Variants in RAB31 observed in about 807,000 individuals in gnomAD.
RAB31 encodes the protein ras-related protein Rab-31.
A neutral mutation model predicts 25.6 loss-of-function variants in RAB31; 21 were observed. The ratio of observed to expected loss-of-function variants is 0.82; its 90% CI spans 0.58 to 1.18. RAB31 has a LOEUF of 1.18. RAB31 is among the 50% of genes most tolerant of loss of function. The pLI, the probability that RAB31 is intolerant of heterozygous loss-of-function variation, is 0.00. For missense variants in RAB31, 196 were observed against 250.1 expected, an observed-to-expected ratio of 0.78 and a Z score of 1.46; for synonymous variants, 87 against 84.0, an observed-to-expected ratio of 1.04 and a Z score of -0.20.
intron 1 of RAB31, among the ~76,000 whole-genome samples, chr18:9,729,773 G>T (rs1350773182): frequency 2.0e-5 from 3 of 151,564 alleles, no homozygotes; most frequent in South Asian, 2.1e-4. Flanking sequence ...ATGTGTATGT[G>T]TGTCTGTTTT....
chr18:9,842,481 G>A (rs1055150634), intron 5 of RAB31, among the ~76,000 whole-genome samples: 1 of 152,164 alleles, frequency 6.6e-6, no homozygotes, highest in Non-Finnish European at 1.5e-5. Context: ...GGCAAAGACC[G>A]AATCTGTATT....
At chr18:9,834,812 T>A (rs2068696234) in intron 5 of RAB31, among the ~76,000 whole-genome samples, 1 of 152,096 alleles carries the variant, frequency 6.6e-6, no homozygotes, top group Non-Finnish European at 1.5e-5. Flanking sequence ...GAAGACAGAG[T>A]AATCTCTTTT....
chr18:9,814,038 A>G lies in RAB31; in HGVS notation c.220A>G (p.Met74Val). The change falls in exon 4 of 7, where the codon ATG becomes GTG. Residue 74 changes from methionine to valine, a missense_variant. By Grantham distance (21) the Met-to-Val change is conservative (BLOSUM62 1). Coordinates refer to ENST00000578921, the MANE Select transcript of RAB31 (RefSeq NM_006868.4). ...GQERFHSLAPMYYRGSAAAVI... is the reference protein window; with the variant it reads ...GQERFHSLAPVYYRGSAAAVI... ...TAAACAGTTTCATTCATTGGCTCCC[A>G]TGTACTATCGAGGCTCAGCTGCAGC... is the stretch of plus-strand genomic sequence containing the variant. 6.3e-7 allele frequency: 1 copy of G among 1,592,684 alleles called. No individual in the cohort carries two copies. Among genetic ancestry groups the G allele is most frequent in the Non-Finnish European group, 8.6e-7 (1 of 1,166,318 alleles).
chr18:9,726,896 T>G (rs2068098590), intron 1 of RAB31, among the ~76,000 whole-genome samples: 1 of 152,196 alleles, frequency 6.6e-6, no homozygotes. Flanking sequence ...AAGCCCACCC[T>G]GTTCCCCCTT....
chr18:9,852,177 T>A (rs2068792633), intron 6 of RAB31, among the ~76,000 whole-genome samples: 1 of 152,182 alleles, frequency 6.6e-6, no homozygotes, highest in African/African-American at 2.4e-5. Context: ...GTGCCATCTC[T>A]ATCCCATCCT....
intron 1 of RAB31, chr18:9,725,962 CTCA>C (rs1308007330): frequency 6.6e-6 from 1 of 152,236 alleles, no homozygotes; most frequent in African/African-American, 2.4e-5. Context: ...GTGAACTGTC[CTCA>C]TGTTATTTCA....
At chr18:9,714,142 G>A (rs2068032186) in intron 1 of RAB31, among the ~76,000 whole-genome samples, 1 of 152,186 alleles carries the variant, frequency 6.6e-6, no homozygotes, top group Non-Finnish European at 1.5e-5. Context: ...CTGCTCTAAG[G>A]CCACAGCCAT....
At chr18:9,835,320 G>GGAGATCCTCT (rs1452357987) in intron 5 of RAB31, among the ~76,000 whole-genome samples, 2 of 152,008 alleles carry the variant, frequency 1.3e-5, no homozygotes, top group Admixed American at 1.3e-4. Context: ...CAGAGGATTT[G>GGAGATCCTCT]GAGCCGACAA....
chr18:9,723,419 G>A (rs918519392), intron 1 of RAB31: 1 of 152,112 alleles, frequency 6.6e-6, no homozygotes, highest in South Asian at 2.1e-4. Context: ...CAATTCATTT[G>A]TTAGGGAATT....
At chr18:9,853,963 C>CTTTTTTTTTTTTTTTTTTTTTTTT (rs11376519) in intron 6 of RAB31, among the ~76,000 whole-genome samples, 1 of 130,840 alleles carries the variant, frequency 7.6e-6, no homozygotes, top group African/African-American at 2.8e-5. Context: ...CTTTTCTTTT[C>CTTTTTTTTTTTTTTTTTTTTTTTT]TTTTTTTTTT....
rs139250400 is a variant in RAB31 at position 9,741,230 on chromosome 18, G to A, written c.39+32786G>A. ...GTCTCCACTAAAAGCACAAAAATTA[G>A]CCAGGTGTGGTGGCGGGCACCTATA... On this transcript the variant is annotated intron_variant, in intron 1 of 6. Coordinates refer to ENST00000578921, the MANE Select transcript of RAB31 (RefSeq NM_006868.4). 1.7e-3 allele frequency among the ~76,000 whole-genome samples: 256 copies of A among 152,000 alleles called. 1 individual carries two copies. Among genetic ancestry groups the A allele is most frequent in the African/African-American group, 6.0e-3 (249 of 41,472 alleles).
chr18:9,802,604 G>T (rs1023193616), intron 3 of RAB31, among the ~76,000 whole-genome samples: 2 of 152,226 alleles, frequency 1.3e-5, no homozygotes, highest in Non-Finnish European at 2.9e-5. Context: ...AATGCATGCA[G>T]TCAGGAGATC....
intron 3 of RAB31, among the ~76,000 whole-genome samples, chr18:9,796,147 A>G (rs1044802985): frequency 1.3e-5 from 2 of 152,236 alleles, no homozygotes; most frequent in Admixed American, 6.5e-5. Context: ...TAAACATCGT[A>G]TGTTATCATT....
At chr18:9,835,633 C>T (rs573478634) in intron 5 of RAB31, among the ~76,000 whole-genome samples, 1 of 152,210 alleles carries the variant, frequency 6.6e-6, no homozygotes, top group Non-Finnish European at 1.5e-5. Flanking sequence ...TTTGCTGGTA[C>T]ACGGTTGTCA....
At chr18:9,783,420 T>C (rs1188393521) in intron 2 of RAB31, among the ~76,000 whole-genome samples, 1 of 152,186 alleles carries the variant, frequency 6.6e-6, no homozygotes, top group East Asian at 1.9e-4. Flanking sequence ...ATATTTTATA[T>C]TTTTTCCAAG....
chr18:9,792,757 T>C (rs943015902), intron 3 of RAB31, among the ~76,000 whole-genome samples: 1 of 152,172 alleles, frequency 6.6e-6, no homozygotes, highest in African/African-American at 2.4e-5. Flanking sequence ...TTGGTGCCCC[T>C]ACTGGTGGGA....
At chr18:9,732,272 A>C (rs1042407876) in intron 1 of RAB31, among the ~76,000 whole-genome samples, 1 of 151,998 alleles carries the variant, frequency 6.6e-6, no homozygotes, top group African/African-American at 2.4e-5. Flanking sequence ...CGGTCACCGG[A>C]TGAGGCTGGG....
At chr18:9,767,465 G>C (rs968163002) in intron 1 of RAB31, among the ~76,000 whole-genome samples, 2 of 152,226 alleles carry the variant, frequency 1.3e-5, no homozygotes, top group Non-Finnish European at 2.9e-5. Flanking sequence ...TAGTGAGTTT[G>C]TAGTAAAGGA....
chr18:9,859,650 A>T lies in RAB31; in HGVS notation c.*325A>T. The stretch of plus-strand genomic sequence containing the variant: ...TGTACAAAAGTCTTACTGCCTTATT[A>T]TGTGTATGGGATTCTAAAGTGGCAT... On this transcript the variant is annotated 3_prime_UTR_variant, in exon 7 of 7. Coordinates refer to ENST00000578921, the MANE Select transcript of RAB31 (RefSeq NM_006868.4). The T allele has an allele frequency of 5.0e-6, 1 of 199,614 alleles. No individual in the cohort carries two copies. Among genetic ancestry groups the T allele is most frequent in the Non-Finnish European group, 1.0e-5 (1 of 99,588 alleles). The allele number at this position is 199,614 out of a possible 1,614,324, so 12.4% of individuals were successfully genotyped here.
Sources: allele counts gnomAD v4.1 joint callset (sites outside exome capture counted in the v4.1 genomes callset), GRCh38; gene constraint gnomAD v4.1.1; transcripts MANE v1.5; gene names NCBI Gene and HGNC (gene_info 2026-07-23, HGNC 2026-07-21).